PRDM4: variants seen among roughly 807,000 people sequenced by gnomAD.
The protein encoded by PRDM4 is PR domain zinc finger protein 4.
A neutral mutation model predicts 62.3 loss-of-function variants in PRDM4; 38 were observed. That is an observed-to-expected ratio of 0.61 (90% CI 0.47 to 0.80). The LOEUF (loss-of-function observed/expected upper bound fraction) is 0.80. Among genes scored for constraint, PRDM4 ranks in the 30% least tolerant of loss-of-function variants. The pLI, the probability that PRDM4 is intolerant of heterozygous loss-of-function variation, is 0.00. For missense variants in PRDM4, 858 were observed against 997.1 expected (o/e 0.86, Z 1.88); for synonymous variants, 339 against 348.2 (o/e 0.97, Z 0.30).
Position 107,756,764 on chromosome 12 carries a change from C to T in PRDM4, c.145+68G>A, listed in dbSNP as rs764957802. ...ACCCTTAAAGGGGCTCTGATCTCTTCTAGACTCCATTTAGAATTGATAACA... is the reference window on the plus strand; with the variant it reads ...ACCCTTAAAGGGGCTCTGATCTCTTTTAGACTCCATTTAGAATTGATAACA... On this transcript the variant is annotated intron_variant, in intron 3 of 11. Coordinates refer to ENST00000228437, the MANE Select transcript of PRDM4 (RefSeq NM_012406.4). The T allele has an allele frequency of 3.1e-5, 49 of 1,579,224 alleles. No homozygotes were observed. In the African/African-American group the frequency reaches 5.8e-4, roughly 19 times the overall value.
Position 107,751,470 on chromosome 12 carries a change from C to T in PRDM4, c.1071G>A (p.Leu357=), listed in dbSNP as rs952493111. Residue 357 remains leucine, a synonymous_variant, in exon 5 of 12, where the codon CTG becomes CTA. Transcript: ENST00000228437. The stretch of plus-strand genomic sequence containing the variant: ...TGTTTGAATTGGAGTCTTCCATTTG[C>T]AGTGAAGGTGATACAAAAGAAAGAC... ...SDSLSFVSPS[L]QMEDSNSNKE... 5.0e-6 allele frequency: 8 copies of T among 1,613,370 alleles called. No individual in the cohort carries two copies. Among genetic ancestry groups the T allele is most frequent in the South Asian group, 1.1e-5 (1 of 91,084 alleles).
At position 107,753,951 on chromosome 12, in the gene PRDM4, T is replaced by C; in HGVS notation, c.304A>G (p.Ser102Gly). 6.2e-7 allele frequency: 1 copy of C among 1,613,884 alleles called. No homozygotes were observed. ...GGTAGAATGGTTCTGAAATAACTGC[T>C]CTCCAGGTGAGGGTAAGGTGGTGGA... ...LPPPPYPHLE[S>G]SYFRTILPGI... The change falls in exon 4 of 12, where the codon AGC (serine) becomes GGC (glycine). Residue 102 changes from serine (S) to glycine (G), a missense_variant. Ser to Gly is a moderately conservative substitution (Grantham distance 56, BLOSUM62 0). This residue lies in a region of PRDM4 where 499 missense variants were observed against 546.7 expected (regional missense o/e 0.91). Transcript: ENST00000228437.
chr12:107,738,740 G>A (rs1288343482), intron 11 of PRDM4, among the ~76,000 whole-genome samples: 1 of 152,156 alleles, frequency 6.6e-6, no homozygotes, highest in East Asian at 1.9e-4. Flanking sequence ...TTAACAGAAT[G>A]GGTATGTCAC....
intron 2 of PRDM4, among the ~76,000 whole-genome samples, chr12:107,758,034 G>T (rs12368330): frequency 4.6e-5 from 7 of 151,906 alleles, no homozygotes; most frequent in South Asian, 2.1e-4. Flanking sequence ...CGTATGGGAG[G>T]GGGTGAAGCA....
Position 107,753,921 on chromosome 12 carries a change from T to C in PRDM4, c.331+3A>G. On this transcript the variant is annotated splice_donor_region_variant and intron_variant, in intron 4 of 11. Coordinates refer to ENST00000228437, the MANE Select transcript of PRDM4 (RefSeq NM_012406.4). Reference sequence around the variant, plus strand: ...TAACATCTCAAGTAACTGTAACACTTACCAGGTAGAATGGTTCTGAAATAA... The same window carrying C: ...TAACATCTCAAGTAACTGTAACACTCACCAGGTAGAATGGTTCTGAAATAA... The C allele has an allele frequency of 6.2e-7, 1 of 1,610,644 alleles. No individual in the cohort carries two copies. The highest frequency in any genetic ancestry group is 1.7e-4 in the Middle Eastern group (1 of 5,802).
rs1890914461 is a variant in PRDM4 at position 107,752,084 on chromosome 12, T to C, written c.457A>G (p.Asn153Asp). The change falls in exon 5 of 12, where the codon AAT (asparagine) becomes GAT (aspartate). Residue 153 changes from asparagine to aspartate, a missense_variant. Around this residue, in one of 3 missense-constraint regions of PRDM4, gnomAD observed 499 missense variants for 546.7 expected, o/e 0.91. Transcript: ENST00000228437. ...CCTGGTTCTAATCCAACATTTCCAT[T>C]GGACTGATAGGGATCTAGTGCTGAA... Reference protein sequence around the residue: ...NPSALDPYQSNGNVGLEPGIV... With the variant: ...NPSALDPYQSDGNVGLEPGIV... The C allele has an allele frequency of 1.2e-6, 2 of 1,613,486 alleles. No homozygotes were observed. Among genetic ancestry groups the C allele is most frequent in the Non-Finnish European group, 1.7e-6 (2 of 1,179,516 alleles).
At chr12:107,759,877 T>C (rs1418338947) in intron 2 of PRDM4, 1 of 152,272 alleles carries the variant, frequency 6.6e-6, no homozygotes, top group Non-Finnish European at 1.5e-5. Flanking sequence ...ACAGTTTATG[T>C]GTGTGTTTCT....
rs147854064 is a variant in PRDM4 at position 107,744,211 on chromosome 12, G to C, written c.1395+332C>G. ...ATTTGAGGAATGTTTTAATTACAAA[G>C]TAAGACTTTTATCATACAAACAAAG... is the stretch of plus-strand genomic sequence containing the variant. On this transcript the variant is annotated intron_variant, in intron 7 of 11. Transcript: ENST00000228437. Among the ~76,000 whole-genome samples the C allele has an allele frequency of 2.5e-4, 38 of 152,054 alleles. No individual in the cohort carries two copies. The East Asian group carries it at 7.1e-3, about 29-fold the overall frequency.
At chr12:107,742,375 G>C in intron 8 of PRDM4, 27 bp from the exon 9 acceptor site, 1 of 1,611,206 alleles carries the variant, frequency 6.2e-7, no homozygotes, top group Middle Eastern at 1.7e-4. Flanking sequence ...AATAGATCAA[G>C]CACATTAATT....
At position 107,751,060 on chromosome 12, in the gene PRDM4, A is replaced by G. The variant is rs561930283; in HGVS notation, c.1126+355T>C. ...TTCACAGGTGGGATCACAGAACACT[A>G]TAGCCTGAAACTCCTGGGCTCAAGC... On this transcript the variant is annotated intron_variant, in intron 5 of 11. Coordinates refer to ENST00000228437, the MANE Select transcript of PRDM4 (RefSeq NM_012406.4). Among the ~76,000 whole-genome samples the G allele has an allele frequency of 7.9e-5, 12 of 152,298 alleles. No homozygotes were observed. The South Asian group carries it at 1.7e-3, about 21-fold the overall frequency.
chr12:107,744,317 A>G (rs1296201945), intron 7 of PRDM4, among the ~76,000 whole-genome samples: 1 of 152,176 alleles, frequency 6.6e-6, no homozygotes, highest in East Asian at 1.9e-4. Context: ...ACAGAGACAA[A>G]AACAGTTTGT....
intron 2 of PRDM4, chr12:107,759,985 G>A (rs980688864): frequency 3.3e-5 from 5 of 152,242 alleles, no homozygotes; most frequent in African/African-American, 1.2e-4. Flanking sequence ...TTTGAAAAAT[G>A]CAGTGGGGCT....
Position 107,751,455 on chromosome 12 carries a change from G to C in PRDM4, c.1086C>G (p.Ser362=). ...TTGCCATGTTCTCCTTGTTTGAATT[G>C]GAGTCTTCCATTTGCAGTGAAGGTG... is the stretch of plus-strand genomic sequence containing the variant. ...FVSPSLQMED[S]NSNKENMATL... The change falls in exon 5 of 12, where the codon TCC becomes TCG. Residue 362 remains serine, a synonymous_variant. Coordinates refer to ENST00000228437, the MANE Select transcript of PRDM4 (RefSeq NM_012406.4). The C allele has an allele frequency of 6.2e-7, 1 of 1,611,920 alleles. No homozygotes were observed. The highest frequency in any genetic ancestry group is 1.1e-5 in the South Asian group (1 of 91,066).
intron 3 of PRDM4, 99 bp downstream of exon 3, chr12:107,756,733 C>T (rs891360471): frequency 7.1e-7 from 1 of 1,414,516 alleles, no homozygotes; most frequent in Non-Finnish European, 9.6e-7. Flanking sequence ...CTCCCTTCTA[C>T]CTTCTACCCT....
intron 11 of PRDM4, chr12:107,738,480 T>G (rs928986236): frequency 6.6e-6 from 1 of 152,210 alleles, no homozygotes; most frequent in African/African-American, 2.4e-5. Flanking sequence ...ATATAACGTT[T>G]TCAGTGAAGG....
chr12:107,734,791 T>A (rs1480700699), intron 11 of PRDM4, among the ~76,000 whole-genome samples: 2 of 152,234 alleles, frequency 1.3e-5, no homozygotes, highest in Non-Finnish European at 2.9e-5. Context: ...TCTCTCAGTA[T>A]GATGCTCATA....
intron 11 of PRDM4, among the ~76,000 whole-genome samples, chr12:107,736,123 A>T (rs756104677): frequency 3.9e-5 from 6 of 152,190 alleles, no homozygotes; most frequent in Non-Finnish European, 8.8e-5. Flanking sequence ...TATTCAACAC[A>T]TATTTACTGT....
intron 4 of PRDM4, among the ~76,000 whole-genome samples, chr12:107,753,073 T>C (rs1890947330): frequency 6.6e-6 from 1 of 152,136 alleles, no homozygotes; most frequent in African/African-American, 2.4e-5. Flanking sequence ...GACAATCGTA[T>C]AGAAAGTATG....
intron 4 of PRDM4, among the ~76,000 whole-genome samples, chr12:107,753,088 T>C (rs1406932144): frequency 2.0e-5 from 3 of 152,194 alleles, no homozygotes; most frequent in Non-Finnish European, 4.4e-5. Flanking sequence ...AGTATGGTCT[T>C]GGGCAGGGCA....
Sources: allele counts gnomAD v4.1 joint callset (sites outside exome capture counted in the v4.1 genomes callset), GRCh38; gene constraint gnomAD v4.1.1; regional missense constraint gnomAD v4.1.1; transcripts MANE v1.5; gene names NCBI Gene and HGNC (gene_info 2026-07-23, HGNC 2026-07-21).